SKI: variants seen among roughly 807,000 people sequenced by gnomAD.
SKI encodes the protein ski oncogene.
SKI carries 23 observed loss-of-function variants against 59.3 expected under a neutral mutation model. That is an observed-to-expected ratio of 0.39 (90% confidence interval 0.28 to 0.55). The LOEUF is 0.55. SKI is among the 20% of genes least tolerant of loss of function. SKI has a pLI of 0.67. For missense variants in SKI, 1,017 were observed against 1,038.9 expected, an observed-to-expected ratio of 0.98 and a Z score of 0.29; for synonymous variants, 673 against 488.6, an observed-to-expected ratio of 1.38 and a Z score of -4.98.
At chr1:2,230,100 C>T (rs1638599900) in intron 1 of SKI, among the ~76,000 whole-genome samples, 2 of 152,236 alleles carry the variant, frequency 1.3e-5, no homozygotes, top group Admixed American at 1.3e-4. Flanking sequence ...TTAGGTCCAG[C>T]TGGGCCACGG....
chr1:2,231,232 G>C (rs1638631250), intron 1 of SKI, among the ~76,000 whole-genome samples: 1 of 152,186 alleles, frequency 6.6e-6, no homozygotes, highest in Non-Finnish European at 1.5e-5. Flanking sequence ...TGTCGGGGGG[G>C]ATTGTGGGCT....
intron 1 of SKI, among the ~76,000 whole-genome samples, chr1:2,283,992 C>A (rs543377447): frequency 6.6e-6 from 1 of 152,152 alleles, no homozygotes; most frequent in East Asian, 1.9e-4. Context: ...GCAGCTAGTG[C>A]CCTGTTAGCA....
chr1:2,302,930 C>A, intron 1 of SKI, 48 bp from the exon 2 acceptor site: 1 of 1,612,772 alleles, frequency 6.2e-7, no homozygotes, highest in Non-Finnish European at 8.5e-7. Context: ...GTGGAGGGAC[C>A]CTGCCCTGGG....
chr1:2,278,013 T>C (rs755490052), intron 1 of SKI, among the ~76,000 whole-genome samples: 4 of 152,190 alleles, frequency 2.6e-5, no homozygotes, highest in Non-Finnish European at 5.9e-5. Flanking sequence ...ATCAGTACCA[T>C]GGGCACACAC....
chr1:2,296,595 CTTGCAGAG>C (rs1640290147), intron 1 of SKI, among the ~76,000 whole-genome samples: 1 of 152,246 alleles, frequency 6.6e-6, no homozygotes, highest in Admixed American at 6.5e-5. Context: ...TCCTTGCTGA[CTTGCAGAG>C]TTCTTCATGT....
chr1:2,255,644 GCT>G (rs1358744103), intron 1 of SKI, among the ~76,000 whole-genome samples: 2 of 150,738 alleles, frequency 1.3e-5, no homozygotes, highest in South Asian at 2.1e-4. Context: ...CCTGTCTGGA[GCT>G]CTCTCTGTCC....
intron 1 of SKI, among the ~76,000 whole-genome samples, chr1:2,266,422 G>C (rs1160326907): frequency 6.6e-6 from 1 of 152,152 alleles, no homozygotes; most frequent in Admixed American, 6.5e-5. Context: ...TGAATTGTCA[G>C]CTCCATCTCA....
rs1029363192 is a variant in SKI at position 2,270,251 on chromosome 1, C to T, written c.970-32727C>T. 2.0e-5 allele frequency among the ~76,000 whole-genome samples: 3 copies of T among 152,188 alleles called. No individual in the cohort carries two copies. Among genetic ancestry groups the T allele is most frequent in the South Asian group, 2.1e-4 (1 of 4,836 alleles). On this transcript the variant is annotated intron_variant, in intron 1 of 6. Coordinates refer to ENST00000378536, the MANE Select transcript of SKI (RefSeq NM_003036.4). The surrounding 1 kb of genome is among the most constrained non-coding windows in gnomAD (Gnocchi z 4.1). ...CACTGGCTGGCGCTGCGTCTGGGTTCGGTCCTGGACCTGCTGCGTGTTATC... is the reference window on the plus strand; with the variant it reads ...CACTGGCTGGCGCTGCGTCTGGGTTTGGTCCTGGACCTGCTGCGTGTTATC...
chr1:2,237,160 T>C (rs764929689), intron 1 of SKI, among the ~76,000 whole-genome samples: 13 of 152,178 alleles, frequency 8.5e-5, no homozygotes, highest in Non-Finnish European at 1.2e-4. Context: ...CGACAGCTTG[T>C]GTGCCGTTAT....
rs1022550019 is a variant in SKI at position 2,306,870 on chromosome 1, A to G, written c.*105A>G. 7.8e-6 allele frequency: 6 copies of G among 772,394 alleles called. No homozygotes were observed. The highest frequency in any genetic ancestry group is 1.1e-5 in the Non-Finnish European group (6 of 563,336). The allele number at this position is 772,394 out of a possible 1,614,324, so 47.8% of individuals were successfully genotyped here. On this transcript the variant is annotated 3_prime_UTR_variant, in exon 7 of 7. Transcript: ENST00000378536. ...CCGCCCCTGCAGCCCACACAGCACAACGTCTTACCGTGCCTATTACCAAGC... is the reference window on the plus strand; with the variant it reads ...CCGCCCCTGCAGCCCACACAGCACAGCGTCTTACCGTGCCTATTACCAAGC...
At chr1:2,246,484 G>A (rs576068856) in intron 1 of SKI, among the ~76,000 whole-genome samples, 30 of 152,248 alleles carry the variant, frequency 2.0e-4, no homozygotes, top group East Asian at 1.4e-3. Context: ...GTCGGATCCT[G>A]CCTCTGTTGC....
intron 1 of SKI, among the ~76,000 whole-genome samples, chr1:2,265,084 T>C (rs1639472655): frequency 6.6e-6 from 1 of 152,216 alleles, no homozygotes; most frequent in Non-Finnish European, 1.5e-5. Context: ...AGTGCTGGGA[T>C]TACAGGAGTG....
rs774588048 is a variant in SKI at position 2,229,270 on chromosome 1, C to T, written c.504C>T (p.Pro168=). 17 of 1,597,748 alleles carry T rather than the reference C, an allele frequency of 1.1e-5. No individual in the cohort carries two copies. In the East Asian group the frequency reaches 3.0e-4, roughly 28 times the overall value. Reference sequence around the variant, plus strand: ...TCCTCAAAGTCATGGGCATCCTGCCCTTCTCGGCGCCCTCGTGCGGGCTCA... The same window carrying T: ...TCCTCAAAGTCATGGGCATCCTGCCTTTCTCGGCGCCCTCGTGCGGGCTCA... ...LEILKVMGIL[P]FSAPSCGLIT... is the part of the protein sequence containing the mutation. Residue 168 remains proline (P), a synonymous_variant, in exon 1 of 7, where the codon CCC becomes CCT. Transcript: ENST00000378536. This position sits in a 1 kb window ranked among gnomAD's most constrained non-coding sequence, Gnocchi z 6.3.
At chr1:2,244,846 T>C (rs1392185281) in intron 1 of SKI, among the ~76,000 whole-genome samples, 1 of 152,192 alleles carries the variant, frequency 6.6e-6, no homozygotes, top group African/African-American at 2.4e-5. Flanking sequence ...TCCCATGCCA[T>C]TGGTGACCAA....
intron 1 of SKI, among the ~76,000 whole-genome samples, chr1:2,293,458 C>T (rs909612463): frequency 5.3e-5 from 8 of 149,692 alleles, no homozygotes; most frequent in Admixed American, 6.6e-5. Flanking sequence ...GGTTCTCCTG[C>T]GTCGCCCTCT....
chr1:2,291,600 C>A (rs1640163326), intron 1 of SKI, among the ~76,000 whole-genome samples: 1 of 112,742 alleles, frequency 8.9e-6, no homozygotes, highest in Non-Finnish European at 2.2e-5. Flanking sequence ...AGAAGCTGGG[C>A]CCTCCCCCAC....
rs766067033 is a variant in SKI at position 2,304,528 on chromosome 1, C to A, written c.1710C>A (p.Arg570=). 1 of 1,581,452 alleles carries A rather than the reference C, an allele frequency of 6.3e-7. No individual in the cohort carries two copies. Among genetic ancestry groups the A allele is most frequent in the African/African-American group, 1.4e-5 (1 of 74,038 alleles). Residue 570 remains arginine, a synonymous_variant, in exon 5 of 7, where the codon CGC becomes CGA. Coordinates refer to ENST00000378536, the MANE Select transcript of SKI (RefSeq NM_003036.4). ...EKFLHEVVKM[R]VKQEEKLSAA... is the part of the protein sequence containing the mutation. ...TCCTGCATGAGGTGGTCAAGATGCG[C>A]GTGAAGCAGGAGGAGAAGCTCAGCG...
Position 2,304,274 on chromosome 1 carries a change from G to A in SKI, c.1475-19G>A. The A allele has an allele frequency of 6.4e-7, 1 of 1,551,738 alleles. No homozygotes were observed. Among genetic ancestry groups the A allele is most frequent in the Non-Finnish European group, 8.7e-7 (1 of 1,146,958 alleles). ...CGGGCACTTCCATGACTTTGTTTCT[G>A]TCTCTGCTTCCTCCTCAGTCACCTC... On this transcript the variant is annotated intron_variant, in intron 4 of 6. Transcript: ENST00000378536.
At chr1:2,241,553 C>T (rs530566361) in intron 1 of SKI, among the ~76,000 whole-genome samples, 7 of 152,224 alleles carry the variant, frequency 4.6e-5, no homozygotes, top group South Asian at 2.1e-4. Context: ...CCACCGTGCC[C>T]GGCTAATTTT....
Sources: gnomAD v4.1 joint callset for allele counts (sites outside exome capture counted in the v4.1 genomes callset) on GRCh38, gnomAD v4.1.1 for gene constraint, Gnocchi (gnomAD v3.1) non-coding constraint, MANE v1.5 for transcripts, NCBI Gene and HGNC (gene_info 2026-07-23, HGNC 2026-07-21) for gene names.